Variants in APBA1 observed in about 807,000 individuals in gnomAD.
APBA1 encodes the protein amyloid beta precursor protein binding family A member 1.
Under a neutral mutation model 86.6 loss-of-function variants are expected in APBA1, and 55 were observed. The ratio of observed to expected loss-of-function variants is 0.64; its 90% CI spans 0.51 to 0.80. The LOEUF (loss-of-function observed/expected upper bound fraction) is 0.80, where lower values mean the gene tolerates loss of function less well. Among genes scored for constraint, APBA1 ranks in the 30% least tolerant of loss-of-function variants. The pLI is 0.00. For missense variants in APBA1, 1,090 were observed against 1,183.0 expected, an observed-to-expected ratio of 0.92 and a Z score of 1.15; for synonymous variants, 511 against 493.9, an observed-to-expected ratio of 1.03 and a Z score of -0.46.
chr9:69,612,737 A>G (rs1251158228), intron 1 of APBA1, among the ~76,000 whole-genome samples: 1 of 152,070 alleles, frequency 6.6e-6, no homozygotes, highest in Non-Finnish European at 1.5e-5. Context: ...AAATTGTAAG[A>G]AAAACTATGT....
chr9:69,474,223 G>A (rs1367575972), intron 3 of APBA1: 1 of 152,200 alleles, frequency 6.6e-6, no homozygotes, highest in Non-Finnish European at 1.5e-5. Context: ...AAGGTACCTT[G>A]TCCATGTAGT....
chr9:69,469,625 A>G (rs761038170), intron 4 of APBA1, among the ~76,000 whole-genome samples: 53 of 152,336 alleles, frequency 3.5e-4, no homozygotes, highest in Admixed American at 9.1e-4. Flanking sequence ...CAACAGCCAC[A>G]GGGGCCCGCT....
At chr9:69,549,540 C>T (rs1234411087) in intron 1 of APBA1, among the ~76,000 whole-genome samples, 1 of 152,112 alleles carries the variant, frequency 6.6e-6, no homozygotes, top group African/African-American at 2.4e-5. Context: ...ATGACATGGC[C>T]CATGAATTTT....
At chr9:69,457,007 G>C (rs146724099) in intron 7 of APBA1, 46 bp downstream of exon 7, 5 of 1,494,918 alleles carry the variant, frequency 3.3e-6, no homozygotes, top group African/African-American at 1.4e-5. Context: ...TCTGAGTTAC[G>C]ATGTCACTAA....
intron 1 of APBA1, among the ~76,000 whole-genome samples, chr9:69,549,665 A>C (rs1303313174): frequency 1.3e-5 from 2 of 152,208 alleles, no homozygotes; most frequent in Non-Finnish European, 2.9e-5. Flanking sequence ...CATCCGAAAA[A>C]TTCGATTCAT....
intron 9 of APBA1, among the ~76,000 whole-genome samples, chr9:69,450,056 G>GTTTTTTTT (rs58417611): frequency 4.2e-5 from 4 of 94,152 alleles, no homozygotes; most frequent in African/African-American, 1.7e-4. Context: ...AGGACCACCA[G>GTTTTTTTT]TTTTTTTTTT....
chr9:69,481,766 A>T (rs1835513633), intron 2 of APBA1, among the ~76,000 whole-genome samples: 1 of 151,062 alleles, frequency 6.6e-6, no homozygotes, highest in African/African-American at 2.4e-5. Flanking sequence ...CTGGTACCAA[A>T]ACAGAGATAT....
chr9:69,644,059 C>T (rs542022950), intron 1 of APBA1, among the ~76,000 whole-genome samples: 21 of 152,272 alleles, frequency 1.4e-4, no homozygotes, highest in African/African-American at 4.1e-4. Flanking sequence ...CACTACAACC[C>T]GATGTCACAC....
chr9:69,658,894 A>C (rs2134024203), intron 1 of APBA1, among the ~76,000 whole-genome samples: 1 of 152,272 alleles, frequency 6.6e-6, no homozygotes, highest in African/African-American at 2.4e-5. Flanking sequence ...CCAACCCCAT[A>C]GATTCAGGCA....
At chr9:69,666,788 A>G (rs1041704010) in intron 1 of APBA1, among the ~76,000 whole-genome samples, 1 of 152,244 alleles carries the variant, frequency 6.6e-6, no homozygotes, top group African/African-American at 2.4e-5. Context: ...TCAGGTATGA[A>G]TAAATAGTTT....
At chr9:69,548,944 GA>G (rs1371343200) in intron 1 of APBA1, among the ~76,000 whole-genome samples, 1 of 152,236 alleles carries the variant, frequency 6.6e-6, no homozygotes, top group Non-Finnish European at 1.5e-5. Flanking sequence ...CAGGACAGCT[GA>G]AGCCCTGAAA....
intron 9 of APBA1, among the ~76,000 whole-genome samples, chr9:69,451,589 C>A (rs1293755965): frequency 6.6e-6 from 1 of 152,074 alleles, no homozygotes; most frequent in Non-Finnish European, 1.5e-5. Flanking sequence ...TCCATAGACC[C>A]CACCCTCGGC....
At chr9:69,533,551 A>T (rs868855901) in intron 1 of APBA1, among the ~76,000 whole-genome samples, 1 of 152,262 alleles carries the variant, frequency 6.6e-6, no homozygotes, top group South Asian at 2.1e-4. Flanking sequence ...TTTTCTCACC[A>T]CATTTCAGGT....
chr9:69,525,624 TATC>T (rs1836330947), intron 1 of APBA1, among the ~76,000 whole-genome samples: 1 of 152,122 alleles, frequency 6.6e-6, no homozygotes, highest in Non-Finnish European at 1.5e-5. Flanking sequence ...AAAGAATCAG[TATC>T]ATTGAAATGG....
chr9:69,598,423 T>G (rs1198655232), intron 1 of APBA1, among the ~76,000 whole-genome samples: 1 of 150,748 alleles, frequency 6.6e-6, no homozygotes, highest in African/African-American at 2.5e-5. Context: ...CCCTAAAACT[T>G]AAAGTATAAT....
intron 8 of APBA1, among the ~76,000 whole-genome samples, 186 bp from the exon 9 acceptor site, chr9:69,452,487 G>A (rs1229440457): frequency 6.6e-6 from 1 of 152,224 alleles, no homozygotes; most frequent in Non-Finnish European, 1.5e-5. Flanking sequence ...CAGAAAGACT[G>A]GGGATGTTTT....
intron 1 of APBA1, among the ~76,000 whole-genome samples, chr9:69,595,975 T>G (rs181954413): frequency 5.6e-4 from 85 of 152,284 alleles, no homozygotes; most frequent in African/African-American, 1.7e-3. Flanking sequence ...TTGATTGTTT[T>G]GTTTTTTTGC....
intron 1 of APBA1, among the ~76,000 whole-genome samples, chr9:69,589,270 T>C (rs1822081313): frequency 6.6e-6 from 1 of 152,208 alleles, no homozygotes; most frequent in Admixed American, 6.5e-5. Context: ...TCATTCTTGA[T>C]ATCCTCAAAG....
chr9:69,596,015 T>A (rs1822221375), intron 1 of APBA1, among the ~76,000 whole-genome samples: 1 of 152,108 alleles, frequency 6.6e-6, no homozygotes, highest in East Asian at 1.9e-4. Flanking sequence ...GGAGACAAGG[T>A]CTAGTTCTGT....
Sources: gnomAD v4.1 joint callset for allele counts (sites outside exome capture counted in the v4.1 genomes callset) on GRCh38, gnomAD v4.1.1 for gene constraint, MANE v1.5 for transcripts, NCBI Gene and HGNC (gene_info 2026-07-23, HGNC 2026-07-21) for gene names.